Variants in ARID4A observed in about 807,000 individuals in gnomAD.
ARID4A encodes the protein AT-rich interaction domain 4A, also known as AT-rich interactive domain-containing protein 4A.
In ARID4A, 39 loss-of-function variants were observed where a neutral mutation model predicts 148.6. That is an observed-to-expected ratio of 0.26 (90% confidence interval 0.20 to 0.34). ARID4A has a LOEUF of 0.34. ARID4A is among the 10% of genes least tolerant of loss of function. The pLI is 1.00. For synonymous variants in ARID4A, 475 were observed against 481.2 expected (o/e 0.99, Z 0.17); for missense variants, 1,265 against 1,449.1 (o/e 0.87, Z 2.06).
chr14:58,313,638 A>T lies in ARID4A; in HGVS notation c.275-4904A>T, dbSNP rs576244800. Among the ~76,000 whole-genome samples, 20 of 152,344 alleles carry T rather than the reference A, an allele frequency of 1.3e-4. No individual in the cohort carries two copies. In the South Asian group the frequency reaches 4.1e-3, roughly 32 times the overall value. On this transcript the variant is annotated intron_variant, in intron 5 of 23. Coordinates refer to ENST00000355431, the MANE Select transcript of ARID4A (RefSeq NM_002892.4). ...CCATGACAGGTTCTCTGTAAGCTGGAGACCTGAGATGCCAATAGCTAGGCT... is the reference window on the plus strand; with the variant it reads ...CCATGACAGGTTCTCTGTAAGCTGGTGACCTGAGATGCCAATAGCTAGGCT...
At chr14:58,317,498 G>C (rs949406819) in intron 5 of ARID4A, among the ~76,000 whole-genome samples, 4 of 151,044 alleles carry the variant, frequency 2.6e-5, no homozygotes, top group East Asian at 3.9e-4. Flanking sequence ...GTGTTAGCCA[G>C]GATGGTCTCG....
At chr14:58,338,746 A>G (rs1183173354) in intron 11 of ARID4A, among the ~76,000 whole-genome samples, 3 of 152,078 alleles carry the variant, frequency 2.0e-5, no homozygotes, top group African/African-American at 7.2e-5. Flanking sequence ...AGTGTTATAA[A>G]TCATTATGAA....
intron 5 of ARID4A, among the ~76,000 whole-genome samples, chr14:58,309,244 G>C (rs1445593410): frequency 2.0e-5 from 3 of 152,210 alleles, no homozygotes; most frequent in Non-Finnish European, 4.4e-5. Context: ...GCCTCCCAAA[G>C]TGTTGGGATT....
intron 19 of ARID4A, among the ~76,000 whole-genome samples, chr14:58,363,592 A>G (rs2035226874): frequency 6.6e-6 from 1 of 152,042 alleles, no homozygotes. Context: ...GCTCCTCAGG[A>G]GGCTGAGGCA....
At position 58,304,163 on chromosome 14, in the gene ARID4A, T is replaced by A. The variant is rs141691168; in HGVS notation, c.118-781T>A. The stretch of plus-strand genomic sequence containing the variant: ...TATAAAATTTATGTTTCAGTTTTCT[T>A]GATGAACCTTCAAGTATTAGGATAG... On this transcript the variant is annotated intron_variant, in intron 3 of 23. Transcript: ENST00000355431. Among the ~76,000 whole-genome samples, 22 of 152,328 alleles carry A rather than the reference T, an allele frequency of 1.4e-4. No individual in the cohort carries two copies. In the East Asian group the frequency reaches 4.1e-3, roughly 28 times the overall value.
chr14:58,330,230 C>T (rs1479337432), intron 11 of ARID4A, 61 bp downstream of exon 11: 1 of 1,548,164 alleles, frequency 6.5e-7, no homozygotes, highest in African/African-American at 1.4e-5. Flanking sequence ...AAAATAATAC[C>T]TTCATATATT....
In ARID4A at chr14:58,372,754, C is replaced by CA. The variant is rs1320932843; in HGVS notation, c.*770dup. 1.1e-5 allele frequency: 2 copies of CA among 181,344 alleles called. No homozygotes were observed. Among genetic ancestry groups the CA allele is most frequent in the Middle Eastern group, 2.0e-3 (1 of 500 alleles). 11.2% of individuals were successfully genotyped at this position (181,344 alleles called of 1,614,324 possible). A position where few individuals can be genotyped will look rare whatever the true frequency, so the allele number is the denominator to read the frequency against. On this transcript the variant is annotated 3_prime_UTR_variant, in exon 24 of 24. Coordinates refer to ENST00000355431, the MANE Select transcript of ARID4A (RefSeq NM_002892.4). ...TAATTTCAGAGTTTTTATTTTGTTACAAAAAGACAAAAATGAAATATATAA... is the reference window on the plus strand; with the variant it reads ...TAATTTCAGAGTTTTTATTTTGTTACAAAAAAGACAAAAATGAAATATATAA...
chr14:58,324,877 A>C (rs2033127169), intron 8 of ARID4A, among the ~76,000 whole-genome samples: 1 of 152,234 alleles, frequency 6.6e-6, no homozygotes, highest in Admixed American at 6.5e-5. Flanking sequence ...AGATAAACAA[A>C]TACGAGGCTT....
Position 58,373,319 on chromosome 14 carries a change from TA to T in ARID4A, c.*1333del, listed in dbSNP as rs927057503. On this transcript the variant is annotated 3_prime_UTR_variant, in exon 24 of 24. Transcript: ENST00000355431. Reference sequence around the variant, plus strand: ...AATAATTCTTCCAAAATCATGTATTTAAAGCAGTTTTGCATATACATTATGT... The same window carrying T: ...AATAATTCTTCCAAAATCATGTATTTAAGCAGTTTTGCATATACATTATGT... 1.0e-5 allele frequency: 2 copies of T among 191,336 alleles called. No individual in the cohort carries two copies. Among genetic ancestry groups the T allele is most frequent in the African/African-American group, 4.7e-5 (2 of 42,954 alleles). The allele number at this position is 191,336 out of a possible 1,614,324, so 11.9% of individuals were successfully genotyped here.
intron 11 of ARID4A, among the ~76,000 whole-genome samples, chr14:58,335,190 C>T (rs538207037): frequency 2.0e-5 from 3 of 152,172 alleles, no homozygotes; most frequent in South Asian, 2.1e-4. Context: ...ATATCCATGA[C>T]GACATCACAT....
intron 5 of ARID4A, among the ~76,000 whole-genome samples, chr14:58,317,295 T>G (rs917938428): frequency 6.6e-6 from 1 of 150,400 alleles, no homozygotes; most frequent in Non-Finnish European, 1.5e-5. Context: ...TTTTTATTTT[T>G]TTTTTTTGGG....
intron 9 of ARID4A, among the ~76,000 whole-genome samples, chr14:58,329,315 C>G (rs2140189552): frequency 6.6e-6 from 1 of 152,280 alleles, no homozygotes; most frequent in Middle Eastern, 3.4e-3. Flanking sequence ...GTGAGGCTCT[C>G]AATGTACTTT....
intron 5 of ARID4A, among the ~76,000 whole-genome samples, chr14:58,312,498 G>A (rs2032116168): frequency 6.6e-6 from 1 of 152,174 alleles, no homozygotes; most frequent in Non-Finnish European, 1.5e-5. Context: ...TTACAGGCAT[G>A]AGCCTCCGTG....
intron 23 of ARID4A, 31 bp downstream of exon 23, chr14:58,367,060 A>G: frequency 1.4e-6 from 2 of 1,381,974 alleles, no homozygotes; most frequent in Non-Finnish European, 9.5e-7. Context: ...CTCCCCTTAT[A>G]TTTCAAAACT....
chr14:58,364,963 T>C lies in ARID4A; in HGVS notation c.2874T>C (p.Val958=). 6.2e-7 allele frequency: 1 copy of C among 1,614,092 alleles called. No individual in the cohort carries two copies. Among genetic ancestry groups the C allele is most frequent in the Non-Finnish European group, 8.5e-7 (1 of 1,179,990 alleles). Residue 958 remains valine, a synonymous_variant, in exon 20 of 24, where the codon GTT becomes GTC. Coordinates refer to ENST00000355431, the MANE Select transcript of ARID4A (RefSeq NM_002892.4). ...AMPLIGPETL[V]CHEVDLDDLD... Reference sequence around the variant, plus strand: ...CTCTGATCGGGCCTGAAACCTTGGTTTGCCATGAAGTAGATTTGGATGATT... The same window carrying C: ...CTCTGATCGGGCCTGAAACCTTGGTCTGCCATGAAGTAGATTTGGATGATT...
chr14:58,366,775 T>C, intron 22 of ARID4A, 108 bp from the exon 23 acceptor site: 6 of 864,770 alleles, frequency 6.9e-6, no homozygotes, highest in Non-Finnish European at 1.0e-5. Flanking sequence ...GAGATTTTAA[T>C]AAACTAAAGC....
chr14:58,358,190 CGGGTCCAGT>C (rs1051352527), intron 17 of ARID4A, among the ~76,000 whole-genome samples: 105 of 152,020 alleles, frequency 6.9e-4, no homozygotes, highest in African/African-American at 2.5e-3. Context: ...AAAAAATTGC[CGGGTCCAGT>C]GGCTCACCCC....
intron 8 of ARID4A, 42 bp downstream of exon 8, chr14:58,323,659 A>G: frequency 6.5e-7 from 1 of 1,531,010 alleles, no homozygotes; most frequent in Non-Finnish European, 8.9e-7. Context: ...CCGTCTAAAT[A>G]TTTGTTTTAA....
At chr14:58,363,284 T>C (rs2035212721) in intron 19 of ARID4A, among the ~76,000 whole-genome samples, 1 of 152,250 alleles carries the variant, frequency 6.6e-6, no homozygotes, top group Admixed American at 6.5e-5. Flanking sequence ...TTAGATCCTA[T>C]ACAGTCTTAG....
Sources: gnomAD v4.1 joint callset for allele counts (sites outside exome capture counted in the v4.1 genomes callset) on GRCh38, gnomAD v4.1.1 for gene constraint, MANE v1.5 for transcripts, NCBI Gene and HGNC (gene_info 2026-07-23, HGNC 2026-07-21) for gene names.